The following GAPVD1 variants were observed in gnomAD, a reference collection of about 807,000 sequenced individuals.
GAPVD1 encodes the protein GTPase activating protein and VPS9 domains 1.
In GAPVD1, 35 loss-of-function variants were observed where a neutral mutation model predicts 155.5. The ratio of observed to expected loss-of-function variants is 0.23; its 90% confidence interval spans 0.17 to 0.30. GAPVD1 has a LOEUF of 0.30. Among genes scored for constraint, GAPVD1 ranks in the 10% least tolerant of loss-of-function variants. The probability of loss-of-function intolerance (pLI) is 1.00; values close to 1 mark genes in which losing one functional copy is unlikely to be tolerated. For synonymous variants in GAPVD1, 636 were observed against 619.7 expected (o/e 1.03, Z -0.39); for missense variants, 1,429 against 1,775.7 (o/e 0.80, Z 3.51).
At chr9:125,306,512 CTTTT>C (rs549837560) in intron 6 of GAPVD1, among the ~76,000 whole-genome samples, 1 of 149,074 alleles carries the variant, frequency 6.7e-6, no homozygotes, top group Non-Finnish European at 1.5e-5. Flanking sequence ...TTGTTATTTT[CTTTT>C]TTTTTTGAGA....
intron 25 of GAPVD1, 103 bp from the exon 26 acceptor site, chr9:125,359,317 C>T: frequency 2.7e-6 from 2 of 749,548 alleles, no homozygotes; most frequent in Non-Finnish European, 4.8e-6. Context: ...TAATCCATAT[C>T]TAGTCAACAT....
intron 2 of GAPVD1, among the ~76,000 whole-genome samples, chr9:125,290,549 C>T (rs553176441): frequency 6.6e-6 from 1 of 152,174 alleles, no homozygotes; most frequent in South Asian, 2.1e-4. Flanking sequence ...AAGACAAAAG[C>T]GCGGAGCCGA....
chr9:125,305,146 C>T lies in GAPVD1; in HGVS notation c.1113C>T (p.Asp371=). The T allele has an allele frequency of 6.3e-7, 1 of 1,599,900 alleles. No individual in the cohort carries two copies. The highest frequency in any genetic ancestry group is 8.6e-7 in the Non-Finnish European group (1 of 1,167,262). The change falls in exon 6 of 28, where the codon GAC becomes GAT. Residue 371 remains aspartate (D), a synonymous_variant. Transcript: ENST00000297933. ...CAAAGAGCAGCCTTGGAAAGTTTGA[C>T]AAAGTAAGAATAAATATGATTTATA... ...PRTKSSLGKF[D]KSCVAAFLDV... is the part of the protein sequence containing the mutation.
intron 12 of GAPVD1, among the ~76,000 whole-genome samples, chr9:125,327,898 C>T (rs1228443777): frequency 6.6e-6 from 1 of 152,158 alleles, no homozygotes; most frequent in African/African-American, 2.4e-5. Flanking sequence ...CCCACATGGC[C>T]AGCTTTCTTT....
chr9:125,342,309 C>T lies in GAPVD1; in HGVS notation c.3046+10C>T, dbSNP rs781369996. 2.1e-5 allele frequency: 30 copies of T among 1,458,892 alleles called. No homozygotes were observed. Among genetic ancestry groups the T allele is most frequent in the South Asian group, 3.4e-5 (3 of 87,722 alleles). 90.4% of individuals were successfully genotyped at this position (1,458,892 alleles called of 1,614,324 possible). A position where few individuals can be genotyped will look rare whatever the true frequency, so the allele number is the denominator to read the frequency against. On this transcript the variant is annotated intron_variant, in intron 19 of 27. Transcript: ENST00000297933. ...TTCTCAACACTCACAGGTTTGTAGA[C>T]CCATGGACTTCCTGGCTCCTTCATT...
intron 25 of GAPVD1, among the ~76,000 whole-genome samples, chr9:125,358,424 A>C (rs1850424598): frequency 6.6e-6 from 1 of 152,114 alleles, no homozygotes; most frequent in South Asian, 2.1e-4. Context: ...TTTCTTGAGC[A>C]CTGCTTCATA....
rs142539809 is a variant in GAPVD1, at chr9:125,262,865, G to A, written c.-199+906G>A. ...TGGACAACAAGCCAGAGTAGCATTA[G>A]CAGCGCCTATGACTTTGTGATCAAT... On this transcript the variant is annotated intron_variant, in intron 1 of 27. Transcript: ENST00000297933. Among the ~76,000 whole-genome samples the A allele has an allele frequency of 2.9e-3, 436 of 152,254 alleles. 3 individuals carry two copies. Among genetic ancestry groups the A allele is most frequent in the African/African-American group, 0.01 (419 of 41,536 alleles).
At chr9:125,359,601 CA>C in intron 26 of GAPVD1, 109 bp downstream of exon 26, 1 of 668,920 alleles carries the variant, frequency 1.5e-6, no homozygotes, top group Non-Finnish European at 2.7e-6. Context: ...AAATATAAAA[CA>C]TCATTTTCAC....
rs570395688 is a variant in GAPVD1 at position 125,334,390 on chromosome 9, A to G, written c.2428+1761A>G. ...TTTTTAATATTCTGTGTGAAGAAAT[A>G]GGAAGCACCCATATTGCGTTTTCAC... On this transcript the variant is annotated intron_variant, in intron 15 of 27. Transcript: ENST00000297933. Among the ~76,000 whole-genome samples, 4 of 152,270 alleles carry G rather than the reference A, an allele frequency of 2.6e-5. No individual in the cohort carries two copies. In the East Asian group the frequency reaches 7.7e-4, roughly 29 times the overall value.
In GAPVD1 at chr9:125,337,260, G is replaced by A. The variant is rs1157014043; in HGVS notation, c.2546G>A (p.Arg849Lys). 1 of 1,614,158 alleles carries A rather than the reference G, an allele frequency of 6.2e-7. No individual in the cohort carries two copies. The highest frequency in any genetic ancestry group is 1.1e-5 in the South Asian group (1 of 91,082). Residue 849 changes from arginine (R) to lysine (K), a missense_variant, in exon 17 of 28, where the codon AGG becomes AAG. Transcript: ENST00000297933. ...GTAAGGCCAAAGGTTCACTATGCTAGGCCATCGCATCCACCACCAGATCCC... is the reference window on the plus strand; with the variant it reads ...GTAAGGCCAAAGGTTCACTATGCTAAGCCATCGCATCCACCACCAGATCCC... ...AVVRPKVHYA[R>K]PSHPPPDPPI...
chr9:125,293,877 T>TATATATATATA (rs1564311969), intron 2 of GAPVD1, among the ~76,000 whole-genome samples: 41 of 18,174 alleles, frequency 2.3e-3, no homozygotes, highest in African/African-American at 0.011. Flanking sequence ...TATATATATA[T>TATATATATATA]ATATATATAT....
chr9:125,336,783 A>G (rs1847079707), intron 15 of GAPVD1: 2 of 487,566 alleles, frequency 4.1e-6, no homozygotes, highest in Non-Finnish European at 3.6e-6. Flanking sequence ...TAGAAGTAAC[A>G]GGCATGTAGA....
chr9:125,295,347 A>G (rs1282213007), intron 2 of GAPVD1, 111 bp from the exon 3 acceptor site: 1 of 151,276 alleles, frequency 6.6e-6, no homozygotes, highest in Non-Finnish European at 1.5e-5. Flanking sequence ...GTGACCCTGA[A>G]CTCCTCTGAT....
chr9:125,306,862 G>A (rs1460876860), intron 6 of GAPVD1, among the ~76,000 whole-genome samples: 1 of 152,170 alleles, frequency 6.6e-6, no homozygotes, highest in African/African-American at 2.4e-5. Context: ...GGCTCATGCT[G>A]GTAATCCTAG....
chr9:125,297,057 C>T (rs1255213787), intron 3 of GAPVD1, among the ~76,000 whole-genome samples: 6 of 152,204 alleles, frequency 3.9e-5, no homozygotes, highest in African/African-American at 1.4e-4. Flanking sequence ...GTTGATTTAA[C>T]ATTTGTGATC....
chr9:125,280,341 A>C (rs989185188), intron 2 of GAPVD1, among the ~76,000 whole-genome samples: 1 of 135,226 alleles, frequency 7.4e-6, no homozygotes, highest in African/African-American at 2.8e-5. Flanking sequence ...GGTTGTGGTG[A>C]GCCGAGATTG....
chr9:125,263,373 C>T (rs557186330), intron 1 of GAPVD1, among the ~76,000 whole-genome samples: 4 of 152,244 alleles, frequency 2.6e-5, no homozygotes, highest in South Asian at 2.1e-4. Context: ...CACTTGAGCC[C>T]GGGAGGTGGA....
At chr9:125,273,967 T>C in intron 2 of GAPVD1, among the ~76,000 whole-genome samples, 1 of 151,734 alleles carries the variant, frequency 6.6e-6, no homozygotes, top group East Asian at 1.9e-4. Context: ...AAATATTCTT[T>C]GTTTTTTATT....
In GAPVD1 at chr9:125,312,615, A is replaced by G. The variant is rs374067728; in HGVS notation, c.1602+3A>G. 2.5e-6 allele frequency: 4 copies of G among 1,577,232 alleles called. No individual in the cohort carries two copies. In the Admixed American group the frequency reaches 8.2e-5, roughly 32 times the overall value. On this transcript the variant is annotated splice_donor_region_variant and intron_variant, in intron 9 of 27. Transcript: ENST00000297933. ...CAGGGATGATGTCAGAAAATGAGGTATGAATCAGTTGCTTCTATAAATCAA... is the reference window on the plus strand; with the variant it reads ...CAGGGATGATGTCAGAAAATGAGGTGTGAATCAGTTGCTTCTATAAATCAA...
Sources: allele counts gnomAD v4.1 joint callset (sites outside exome capture counted in the v4.1 genomes callset), GRCh38; gene constraint gnomAD v4.1.1; transcripts MANE v1.5; gene names NCBI Gene and HGNC (gene_info 2026-07-23, HGNC 2026-07-21).